Variants in PDE12 observed in about 807,000 individuals in gnomAD.
PDE12 encodes the protein phosphodiesterase 12.
A neutral mutation model predicts 45.4 loss-of-function variants in PDE12; 26 were observed. That is an observed-to-expected ratio of 0.57 (90% CI 0.42 to 0.79). The LOEUF is 0.79. PDE12 is among the 30% of genes least tolerant of loss of function. The pLI is 0.00. For missense variants in PDE12, 668 were observed against 790.0 expected (o/e 0.85, Z 1.85); for synonymous variants, 283 against 323.9 (o/e 0.87, Z 1.36).
downstream of PDE12, among the ~76,000 whole-genome samples, chr3:57,567,080 C>T (rs753308042): frequency 4.6e-5 from 7 of 152,060 alleles, no homozygotes; most frequent in Admixed American, 3.9e-4. Flanking sequence ...GAGGCCAAGG[C>T]GGTTGGATCA....
At chr3:57,594,048 G>A in the PDE12 span, among the ~76,000 whole-genome samples, 1 of 152,104 alleles carries the variant, frequency 6.6e-6, no homozygotes. Context: ...CTGAGGTCAG[G>A]AGTTCGAGAC....
At position 57,560,020 on chromosome 3, in the gene PDE12, A is replaced by C. The variant is rs748322045; in HGVS notation, c.*16A>C. On this transcript the variant is annotated 3_prime_UTR_variant, in exon 3 of 3. Coordinates refer to ENST00000311180, the MANE Select transcript of PDE12 (RefSeq NM_177966.7). Reference sequence around the variant, plus strand: ...ATGGAAATAGATGTGTGTTTAATGGAATTGAAGTCTGAAAAGGAAGTAGTT... The same window carrying C: ...ATGGAAATAGATGTGTGTTTAATGGCATTGAAGTCTGAAAAGGAAGTAGTT... 2.5e-6 allele frequency: 4 copies of C among 1,571,486 alleles called. No individual in the cohort carries two copies. The South Asian group carries it at 3.5e-5, about 14-fold the overall frequency.
At chr3:57,569,514 G>T (rs1432752703), downstream of PDE12, among the ~76,000 whole-genome samples, 1 of 151,942 alleles carries the variant, frequency 6.6e-6, no homozygotes, top group Admixed American at 6.6e-5. Flanking sequence ...CACCATGCAT[G>T]GCTAGTTTTG....
chr3:57,592,040 G>GTAAA, the PDE12 span, among the ~76,000 whole-genome samples: 7 of 152,012 alleles, frequency 4.6e-5, no homozygotes, highest in Admixed American at 3.3e-4. Flanking sequence ...CTTTAACAGG[G>GTAAA]TAAACTTTAT....
the PDE12 span, among the ~76,000 whole-genome samples, chr3:57,580,592 G>T: frequency 1.3e-5 from 2 of 150,744 alleles, no homozygotes; most frequent in East Asian, 4.0e-4. Context: ...TTTTTTTGTA[G>T]AGACAGGGTT....
In PDE12 at chr3:57,564,655, T is replaced by C. The variant is rs2069762448; in HGVS notation, c.*4651T>C. Reference sequence around the variant, plus strand: ...ATTTAGTTGGCTTTCTTATACTGGATAATATAAACACTTTTTTTTTCTTTT... The same window carrying C: ...ATTTAGTTGGCTTTCTTATACTGGACAATATAAACACTTTTTTTTTCTTTT... On this transcript the variant is annotated 3_prime_UTR_variant, in exon 3 of 3. Transcript: ENST00000311180. The C allele has an allele frequency of 6.6e-6, 1 of 152,114 alleles. No homozygotes were observed. The highest frequency in any genetic ancestry group is 2.4e-5 in the African/African-American group (1 of 41,424). The allele number at this position is 152,114 out of a possible 1,614,324, so 9.4% of individuals were successfully genotyped here.
chr3:57,559,594 GC>G lies in PDE12; in HGVS notation c.1422del (p.Leu475TrpfsTer4). On this transcript the variant is annotated frameshift_variant, in exon 3 of 3. Transcript: ENST00000311180. LOFTEE classifies it high-confidence loss of function. ...TATTCGCCTCATTCAAATGGCAGTA[GC>G]CTTGGCTCACATAAGACATGTTTCA... ...GYIRLIQMAV[A>X]LAHIRHVSCD... 6.2e-7 allele frequency: 1 copy of G among 1,610,870 alleles called. No homozygotes were observed. Among genetic ancestry groups the G allele is most frequent in the South Asian group, 1.1e-5 (1 of 90,988 alleles).
chr3:57,570,219 G>GGTTT (rs779622991), downstream of PDE12, among the ~76,000 whole-genome samples: 9 of 102,332 alleles, frequency 8.8e-5, no homozygotes, highest in Non-Finnish European at 1.4e-4. Context: ...TTAATCCAGT[G>GGTTT]TTTTTTTTTT....
chr3:57,560,036 G>T lies in PDE12; in HGVS notation c.*32G>T, dbSNP rs372827459. On this transcript the variant is annotated 3_prime_UTR_variant, in exon 3 of 3. Transcript: ENST00000311180. The stretch of plus-strand genomic sequence containing the variant: ...GTTTAATGGAATTGAAGTCTGAAAA[G>T]GAAGTAGTTATTTTAGCAGAAAATT... 4.5e-6 allele frequency: 7 copies of T among 1,552,980 alleles called. No homozygotes were observed. In the African/African-American group the frequency reaches 8.2e-5, roughly 18 times the overall value.
Position 57,557,671 on chromosome 3 carries a change from G to C in PDE12, c.1292G>C (p.Arg431Thr). 6.2e-7 allele frequency: 1 copy of C among 1,613,754 alleles called. No individual in the cohort carries two copies. Among genetic ancestry groups the C allele is most frequent in the Non-Finnish European group, 8.5e-7 (1 of 1,179,812 alleles). ...TCAGCGCAGGAGAAGGTGCTCCAGAGATCTTCTGTTCTTCAGGTAAAGTAG... is the reference window on the plus strand; with the variant it reads ...TCAGCGCAGGAGAAGGTGCTCCAGACATCTTCTGTTCTTCAGGTAAAGTAG... ...YPSAQEKVLQ[R>T]SSVLQVSVLQ... The change falls in exon 1 of 3, where the codon AGA becomes ACA. Residue 431 changes from arginine (R) to threonine (T), a missense_variant. Arg to Thr is a moderately conservative substitution (Grantham distance 71). This residue lies in a region of PDE12 where 580 missense variants were observed against 662.9 expected (regional missense o/e 0.87). Coordinates refer to ENST00000311180, the MANE Select transcript of PDE12 (RefSeq NM_177966.7).
the PDE12 span, among the ~76,000 whole-genome samples, chr3:57,575,985 T>C: frequency 3.3e-5 from 5 of 152,154 alleles, no homozygotes; most frequent in Non-Finnish European, 7.4e-5. Context: ...GGGCAAGAAA[T>C]ACATGTGGGA....
At chr3:57,643,030 C>T in the PDE12 span, among the ~76,000 whole-genome samples, 3 of 148,078 alleles carry the variant, frequency 2.0e-5, no homozygotes, top group Non-Finnish European at 4.5e-5. Flanking sequence ...AAAGAAAGAT[C>T]ACTCTGGAAG....
chr3:57,631,555 C>T, the PDE12 span, among the ~76,000 whole-genome samples: 1 of 152,128 alleles, frequency 6.6e-6, no homozygotes, highest in East Asian at 1.9e-4. Context: ...CCAGATAATG[C>T]ACTCAACATT....
the PDE12 span, chr3:57,577,215 C>A: frequency 6.4e-6 from 6 of 931,146 alleles, no homozygotes; most frequent in South Asian, 7.4e-5. Flanking sequence ...CCCCCCAATC[C>A]ATTTGTGTAA....
At chr3:57,624,214 G>A in the PDE12 span, among the ~76,000 whole-genome samples, 12 of 151,570 alleles carry the variant, frequency 7.9e-5, no homozygotes, top group South Asian at 2.1e-4. Context: ...GCAGTGGGGC[G>A]ATCTCGGCTC....
chr3:57,591,296 T>C, the PDE12 span, among the ~76,000 whole-genome samples: 400 of 152,234 alleles, frequency 2.6e-3, 1 homozygote, highest in African/African-American at 9.2e-3. Flanking sequence ...ACAACCTAAT[T>C]TTTATCATCT....
chr3:57,599,013 CCAT>C, the PDE12 span, among the ~76,000 whole-genome samples: 1 of 152,288 alleles, frequency 6.6e-6, no homozygotes, highest in African/African-American at 2.4e-5. Context: ...GGACACGCGT[CCAT>C]GACATAGCCT....
In PDE12 at chr3:57,557,418, ATC is replaced by A. The variant is rs763758975; in HGVS notation, c.1041_1042del (p.Ile347MetfsTer6). ...ACTCACCGGCTACAACGCCGATGTC[ATC>A]TGTTTGCAGGAGGTTGACCGCGCAG... ...KELTGYNADVICLQEVDRAVF... is the reference protein window; with the variant it reads ...KELTGYNADVXCLQEVDRAVF... On this transcript the variant is annotated frameshift_variant, in exon 1 of 3. Transcript: ENST00000311180. LOFTEE classifies it high-confidence loss of function. 3.7e-6 allele frequency: 6 copies of A among 1,613,954 alleles called. No individual in the cohort carries two copies. Among genetic ancestry groups the A allele is most frequent in the South Asian group, 1.1e-5 (1 of 91,074 alleles).
the PDE12 span, among the ~76,000 whole-genome samples, chr3:57,611,538 G>GA: frequency 2.0e-5 from 3 of 151,630 alleles, no homozygotes; most frequent in Non-Finnish European, 4.4e-5. Context: ...AACTTAACAG[G>GA]AAAAAAACAA....
Sources: allele counts gnomAD v4.1 joint callset (sites outside exome capture counted in the v4.1 genomes callset), GRCh38; gene constraint gnomAD v4.1.1; regional missense constraint gnomAD v4.1.1; transcripts MANE v1.5; gene names NCBI Gene and HGNC (gene_info 2026-07-23, HGNC 2026-07-21).